LUZP2: variants seen among roughly 807,000 people sequenced by gnomAD.
LUZP2 encodes leucine zipper protein 2.
In LUZP2, 52 loss-of-function variants were observed where a neutral mutation model predicts 51.6. The observed-to-expected ratio is 1.01, with a 90% CI of 0.81 to 1.27. The LOEUF is 1.27. LUZP2 is among the 50% of genes most tolerant of loss of function. The pLI is 0.00. For synonymous variants in LUZP2, 154 were observed against 137.3 expected (o/e 1.12, Z -0.85); for missense variants, 436 against 395.4 (o/e 1.10, Z -0.87).
At chr11:24,635,886 G>T (rs1173504249) in intron 1 of LUZP2, among the ~76,000 whole-genome samples, 2 of 152,096 alleles carry the variant, frequency 1.3e-5, no homozygotes, top group African/African-American at 2.4e-5. Flanking sequence ...TTGCAAGCTG[G>T]TCTAAGCACA....
chr11:24,647,369 A>C (rs1405979034), intron 1 of LUZP2, among the ~76,000 whole-genome samples: 2 of 151,970 alleles, frequency 1.3e-5, no homozygotes, highest in Non-Finnish European at 2.9e-5. Flanking sequence ...CAGTATTTAA[A>C]TAAATAACAA....
intron 10 of LUZP2, among the ~76,000 whole-genome samples, chr11:25,050,528 T>G (rs111398731): frequency 6.6e-6 from 1 of 152,028 alleles, no homozygotes; most frequent in South Asian, 2.1e-4. Flanking sequence ...CTGGTCTTGA[T>G]CGCCTGACCT....
intron 1 of LUZP2, among the ~76,000 whole-genome samples, chr11:24,667,323 A>G (rs1856248970): frequency 6.6e-6 from 1 of 151,440 alleles, no homozygotes; most frequent in Admixed American, 6.6e-5. Flanking sequence ...AGCTGGGACT[A>G]CAGACATGTG....
intron 5 of LUZP2, among the ~76,000 whole-genome samples, chr11:24,768,599 A>G (rs1040342148): frequency 6.7e-6 from 1 of 150,114 alleles, no homozygotes; most frequent in Non-Finnish European, 1.5e-5. Context: ...AAATATCTGC[A>G]TAGACATTCA....
chr11:24,842,901 C>A (rs897717803), intron 5 of LUZP2, among the ~76,000 whole-genome samples: 3 of 151,134 alleles, frequency 2.0e-5, no homozygotes. Flanking sequence ...TAAACCTAAG[C>A]AAAGAAGTAA....
intron 4 of LUZP2, 171 bp from the exon 5 acceptor site, chr11:24,763,075 A>G (rs1590472849): frequency 2.4e-6 from 1 of 410,020 alleles, no homozygotes; most frequent in Non-Finnish European, 3.3e-6. Context: ...ATCAATGAAT[A>G]TATGTGTGAA....
At chr11:24,938,656 T>G (rs1854658514) in intron 7 of LUZP2, among the ~76,000 whole-genome samples, 1 of 152,178 alleles carries the variant, frequency 6.6e-6, no homozygotes, top group South Asian at 2.1e-4. Context: ...TAAATTTGTT[T>G]TTAATTTAGA....
At chr11:24,870,922 C>G (rs1852050890) in intron 5 of LUZP2, among the ~76,000 whole-genome samples, 1 of 151,862 alleles carries the variant, frequency 6.6e-6, no homozygotes, top group African/African-American at 2.4e-5. Context: ...GGATGAATTT[C>G]TATATATTCA....
At chr11:24,519,904 A>G (rs1290634045) in intron 1 of LUZP2, among the ~76,000 whole-genome samples, 3 of 152,250 alleles carry the variant, frequency 2.0e-5, no homozygotes, top group African/African-American at 7.2e-5. Context: ...TGTTGACAGC[A>G]CAGTACCTTT....
At chr11:24,962,856 A>G (rs1016164807) in intron 7 of LUZP2, among the ~76,000 whole-genome samples, 3 of 152,050 alleles carry the variant, frequency 2.0e-5, no homozygotes, top group African/African-American at 7.3e-5. Flanking sequence ...TAGAGTTTCC[A>G]GTTTTTCTGC....
At position 24,738,118 on chromosome 11, in the gene LUZP2, T is replaced by G. The variant is rs11028130; in HGVS notation, c.252-103T>G. The G allele has an allele frequency of 0.2, 137,595 of 693,778 alleles. 14,576 individuals carry two copies. Among genetic ancestry groups the G allele is most frequent in the East Asian group, 0.28 (9,997 of 35,828 alleles). 43.0% of individuals were successfully genotyped at this position (693,778 alleles called of 1,614,324 possible). On this transcript the variant is annotated intron_variant, in intron 3 of 11. Coordinates refer to ENST00000336930, the MANE Select transcript of LUZP2 (RefSeq NM_001009909.4). ...GGCTTTATGCACTTCTAGTTGTCTA[T>G]GTCCTAAATGTATACAGCAAAGCTC...
At chr11:24,689,758 T>C (rs781774067) in intron 1 of LUZP2, among the ~76,000 whole-genome samples, 1 of 152,186 alleles carries the variant, frequency 6.6e-6, no homozygotes, top group Non-Finnish European at 1.5e-5. Context: ...TTTGACAATT[T>C]AGAACTGAGT....
intron 5 of LUZP2, among the ~76,000 whole-genome samples, chr11:24,805,904 G>A (rs1849842899): frequency 6.6e-6 from 1 of 152,092 alleles, no homozygotes; most frequent in Admixed American, 6.6e-5. Context: ...CTTAAATATT[G>A]GCTGGAGGCT....
rs532386997 is a variant in LUZP2, at chr11:24,952,109, A to G, written c.523-24482A>G. On this transcript the variant is annotated intron_variant, in intron 7 of 11. Coordinates refer to ENST00000336930, the MANE Select transcript of LUZP2 (RefSeq NM_001009909.4). ...AATCATAGATTTGATAATAAGATGA[A>G]CAAATATTAAATAATGTGGAAGCAG... is the stretch of plus-strand genomic sequence containing the variant. Among the ~76,000 whole-genome samples, 14 of 151,886 alleles carry G rather than the reference A, an allele frequency of 9.2e-5. 1 individual carries two copies. In the South Asian group the frequency reaches 2.9e-3, roughly 31 times the overall value.
At chr11:24,614,457 G>C (rs532403494) in intron 1 of LUZP2, among the ~76,000 whole-genome samples, 1 of 151,976 alleles carries the variant, frequency 6.6e-6, no homozygotes, top group East Asian at 1.9e-4. Context: ...CCCTAAAAAA[G>C]AATTTGAAAA....
intron 5 of LUZP2, among the ~76,000 whole-genome samples, chr11:24,843,215 G>C (rs1307410592): frequency 6.7e-6 from 1 of 148,912 alleles, no homozygotes; most frequent in Non-Finnish European, 1.5e-5. Flanking sequence ...TAAAGAAACA[G>C]AGTTATTAGT....
intron 1 of LUZP2, among the ~76,000 whole-genome samples, chr11:24,563,086 A>T (rs2133777130): frequency 6.6e-6 from 1 of 152,302 alleles, no homozygotes; most frequent in Admixed American, 6.5e-5. Context: ...GGAAAAGTGA[A>T]ATGTGATGAA....
chr11:24,774,053 G>T (rs1044780610), intron 5 of LUZP2, among the ~76,000 whole-genome samples: 2 of 151,960 alleles, frequency 1.3e-5, no homozygotes, highest in Non-Finnish European at 2.9e-5. Context: ...ATTTGAGTCA[G>T]CGGGCTGGGA....
intron 1 of LUZP2, among the ~76,000 whole-genome samples, chr11:24,677,194 C>T (rs1426763311): frequency 6.6e-6 from 1 of 152,136 alleles, no homozygotes; most frequent in Non-Finnish European, 1.5e-5. Context: ...GTAACAGCCG[C>T]CCTCATGCTT....
Sources: gnomAD v4.1 joint callset for allele counts (sites outside exome capture counted in the v4.1 genomes callset) on GRCh38, gnomAD v4.1.1 for gene constraint, MANE v1.5 for transcripts, NCBI Gene and HGNC (gene_info 2026-07-23, HGNC 2026-07-21) for gene names.